Variants in MRAS observed in about 807,000 individuals in gnomAD.
The protein encoded by MRAS is muscle RAS oncogene homolog.
MRAS carries 4 observed loss-of-function variants against 20.9 expected under a neutral mutation model. That is an observed-to-expected ratio of 0.19 (90% CI 0.09 to 0.44). MRAS has a LOEUF of 0.44. Ranked by LOEUF, MRAS falls within the 20% of genes least tolerant of loss-of-function variation. The probability of loss-of-function intolerance (pLI) is 0.99; values close to 1 mark genes in which losing one functional copy is unlikely to be tolerated. For synonymous variants in MRAS, 98 were observed against 102.9 expected (o/e 0.95, Z 0.29); for missense variants, 154 against 277.5 (o/e 0.56, Z 3.16).
At chr3:138,373,249 T>C (rs917365779) in intron 2 of MRAS, among the ~76,000 whole-genome samples, 173 bp downstream of exon 2, 1 of 152,146 alleles carries the variant, frequency 6.6e-6, no homozygotes, top group Non-Finnish European at 1.5e-5. Flanking sequence ...AAGGCCTGCG[T>C]AGAGGGCTTG....
intron 2 of MRAS, among the ~76,000 whole-genome samples, chr3:138,393,442 TTTTA>T (rs1226819407): frequency 1.3e-5 from 2 of 152,214 alleles, no homozygotes; most frequent in African/African-American, 4.8e-5. Context: ...TCTTTGATGG[TTTTA>T]TTTTTTACTT....
At chr3:138,372,575 G>A (rs1485931683) in intron 1 of MRAS, among the ~76,000 whole-genome samples, 1 of 152,154 alleles carries the variant, frequency 6.6e-6, no homozygotes, top group Non-Finnish European at 1.5e-5. Context: ...AAGCTTATTT[G>A]ACATGGCTTT....
chr3:138,394,005 G>A (rs1367996227), intron 2 of MRAS, among the ~76,000 whole-genome samples: 2 of 151,868 alleles, frequency 1.3e-5, no homozygotes, highest in Non-Finnish European at 2.9e-5. Flanking sequence ...TCTGCTTTTC[G>A]ATTCAGGCCT....
chr3:138,396,547 AC>A (rs986700866), intron 2 of MRAS, among the ~76,000 whole-genome samples: 5 of 151,852 alleles, frequency 3.3e-5, no homozygotes, highest in South Asian at 2.1e-4. Flanking sequence ...GCTAAAAGGA[AC>A]CCCCCACCCT....
intron 2 of MRAS, among the ~76,000 whole-genome samples, chr3:138,385,394 A>T (rs1662295582): frequency 6.6e-6 from 1 of 151,194 alleles, no homozygotes; most frequent in African/African-American, 2.4e-5. Context: ...TGATCCTCCC[A>T]GCTCAGCCTC....
chr3:138,356,862 A>G (rs558330402), intron 1 of MRAS, among the ~76,000 whole-genome samples: 44 of 152,284 alleles, frequency 2.9e-4, no homozygotes, highest in Non-Finnish European at 5.0e-4. Flanking sequence ...AGCTGGCATC[A>G]TAGCCTTCCC....
rs565117571 is a variant in MRAS, at chr3:138,374,960, C to A, written c.193+1884C>A. On this transcript the variant is annotated intron_variant, in intron 2 of 5. Transcript: ENST00000423968. The stretch of plus-strand genomic sequence containing the variant: ...ACAGTGGCATGATCTTAGCTCACTG[C>A]AACCACAAAATACTGGGCTCAAGAG... 1.8e-4 allele frequency among the ~76,000 whole-genome samples: 27 copies of A among 152,270 alleles called. 1 individual carries two copies. In the South Asian group the frequency reaches 5.4e-3, roughly 30 times the overall value.
chr3:138,400,578 C>T lies in MRAS; in HGVS notation c.492C>T (p.Val164=), dbSNP rs1480394638. ...ETSAKDPPLN[V]DKAFHDLVRV... is the part of the protein sequence containing the mutation. ...GTGCCAAGGACCCACCTCTCAATGT[C>T]GACAAAGCCTTCCATGACCTCGTTA... Residue 164 remains valine, a synonymous_variant, in exon 5 of 6, where the codon GTC becomes GTT. Coordinates refer to ENST00000423968, the MANE Select transcript of MRAS (RefSeq NM_001085049.3). 6 of 1,613,604 alleles carry T rather than the reference C, an allele frequency of 3.7e-6. No homozygotes were observed. The highest frequency in any genetic ancestry group is 1.1e-5 in the South Asian group (1 of 91,070).
intron 2 of MRAS, among the ~76,000 whole-genome samples, chr3:138,378,759 C>A (rs954794242): frequency 6.6e-6 from 1 of 152,160 alleles, no homozygotes; most frequent in Non-Finnish European, 1.5e-5. Context: ...ACCATCTTAA[C>A]CATCTCTAAG....
intron 1 of MRAS, among the ~76,000 whole-genome samples, chr3:138,351,790 AG>A (rs756918873): frequency 6.6e-6 from 1 of 152,218 alleles, no homozygotes; most frequent in Non-Finnish European, 1.5e-5. Flanking sequence ...TGGAGTTCAG[AG>A]TAATAGGTTT....
intron 2 of MRAS, among the ~76,000 whole-genome samples, chr3:138,387,297 G>A (rs993607041): frequency 2.6e-5 from 4 of 152,232 alleles, no homozygotes; most frequent in African/African-American, 7.2e-5. Context: ...AGTAGGTGGA[G>A]AGTTTGGTGT....
At position 138,393,376 on chromosome 3, in the gene MRAS, TCTTATGTTTTG is replaced by T. The variant is rs530218080; in HGVS notation, c.194-3945_194-3935del. 8.3e-3 allele frequency among the ~76,000 whole-genome samples: 1,261 copies of T among 151,140 alleles called. 8 individuals carry two copies. Among genetic ancestry groups the T allele is most frequent in the Non-Finnish European group, 0.01 (691 of 68,026 alleles). ...TTACTGCACTGGCCTTAAACTTAAC[TCTTATGTTTTG>T]CTGTTTTCTTCGCTTACCACTGTTT... On this transcript the variant is annotated intron_variant, in intron 2 of 5. Coordinates refer to ENST00000423968, the MANE Select transcript of MRAS (RefSeq NM_001085049.3).
chr3:138,352,713 A>T (rs2054252446), intron 1 of MRAS, among the ~76,000 whole-genome samples: 2 of 152,112 alleles, frequency 1.3e-5, no homozygotes, highest in Admixed American at 6.5e-5. Context: ...TATGATTTAC[A>T]TATGGGTTGT....
At chr3:138,398,320 G>T in intron 3 of MRAS, 149 bp from the exon 4 acceptor site, 2 of 672,478 alleles carry the variant, frequency 3.0e-6, no homozygotes, top group Non-Finnish European at 5.2e-6. Context: ...ACCTCTCTCT[G>T]GAAAGGAAGA....
chr3:138,379,279 T>G (rs1052364231), intron 2 of MRAS, among the ~76,000 whole-genome samples: 3 of 152,136 alleles, frequency 2.0e-5, no homozygotes, highest in Non-Finnish European at 2.9e-5. Flanking sequence ...ATGCAATATT[T>G]GTCTTTCTGT....
At chr3:138,383,170 T>A (rs1291788103) in intron 2 of MRAS, among the ~76,000 whole-genome samples, 1 of 152,234 alleles carries the variant, frequency 6.6e-6, no homozygotes, top group African/African-American at 2.4e-5. Flanking sequence ...CCCACCATTG[T>A]ATCTCTGATG....
intron 2 of MRAS, among the ~76,000 whole-genome samples, chr3:138,387,146 G>T (rs939223911): frequency 1.3e-5 from 2 of 152,212 alleles, no homozygotes; most frequent in African/African-American, 4.8e-5. Context: ...GTCACCAAGG[G>T]AGTGGGAGAA....
At chr3:138,351,951 T>C (rs1478489386) in intron 1 of MRAS, among the ~76,000 whole-genome samples, 1 of 152,234 alleles carries the variant, frequency 6.6e-6, no homozygotes, top group Non-Finnish European at 1.5e-5. Flanking sequence ...TAAAGGCACG[T>C]GACTTCTCTA....
intron 2 of MRAS, among the ~76,000 whole-genome samples, chr3:138,375,576 C>G (rs1462710970): frequency 6.6e-6 from 1 of 152,180 alleles, no homozygotes; most frequent in Non-Finnish European, 1.5e-5. Flanking sequence ...GTGGCATGAT[C>G]AAGGCTCACC....
Sources: allele counts gnomAD v4.1 joint callset (sites outside exome capture counted in the v4.1 genomes callset), GRCh38; gene constraint gnomAD v4.1.1; transcripts MANE v1.5; gene names NCBI Gene and HGNC (gene_info 2026-07-23, HGNC 2026-07-21).